The following PLPPR1 variants were observed in gnomAD, a reference collection of about 807,000 sequenced individuals.
PLPPR1 encodes the protein phospholipid phosphatase related 1.
A neutral mutation model predicts 33.1 loss-of-function variants in PLPPR1; 10 were observed. The ratio of observed to expected loss-of-function variants is 0.30; its 90% confidence interval spans 0.19 to 0.51. PLPPR1 has a LOEUF of 0.51. Among genes scored for constraint, PLPPR1 ranks in the 20% least tolerant of loss-of-function variants. The probability of loss-of-function intolerance (pLI) is 0.97; values close to 1 mark genes in which losing one functional copy is unlikely to be tolerated. For missense variants in PLPPR1, 304 were observed against 408.1 expected (o/e 0.74, Z 2.20); for synonymous variants, 151 against 151.0 (o/e 1.00, Z 0.00).
chr9:101,113,075 C>A (rs1419131137), intron 1 of PLPPR1, among the ~76,000 whole-genome samples: 6 of 152,218 alleles, frequency 3.9e-5, no homozygotes, highest in Admixed American at 2.0e-4. Flanking sequence ...CCTGGACCCT[C>A]AACCGTGGCT....
intron 4 of PLPPR1, among the ~76,000 whole-genome samples, chr9:101,297,007 A>G (rs1828658273): frequency 6.6e-6 from 1 of 152,164 alleles, no homozygotes; most frequent in African/African-American, 2.4e-5. Flanking sequence ...AATAAAAAGA[A>G]TGCAACATTA....
chr9:101,083,253 G>A (rs1460532611), intron 1 of PLPPR1, among the ~76,000 whole-genome samples: 1 of 151,822 alleles, frequency 6.6e-6, no homozygotes, highest in Non-Finnish European at 1.5e-5. Context: ...CCGGCTCTGG[G>A]GTTCGAACGA....
At chr9:101,140,834 A>AAGGAC (rs1831442110) in intron 1 of PLPPR1, among the ~76,000 whole-genome samples, 1 of 152,170 alleles carries the variant, frequency 6.6e-6, no homozygotes, top group South Asian at 2.1e-4. Context: ...GTCTAGTAGG[A>AAGGAC]AGGACAGTAC....
chr9:101,269,851 G>A (rs765292424), intron 2 of PLPPR1, 29 bp from the exon 3 acceptor site: 5 of 1,612,350 alleles, frequency 3.1e-6, no homozygotes, highest in Non-Finnish European at 4.2e-6. Context: ...CCCTGCTAAT[G>A]TCTCTGTGTG....
At chr9:101,134,018 T>G (rs1831348030) in intron 1 of PLPPR1, among the ~76,000 whole-genome samples, 1 of 152,200 alleles carries the variant, frequency 6.6e-6, no homozygotes, top group South Asian at 2.1e-4. Flanking sequence ...TAGAACTGGC[T>G]CATGGAAAGC....
At chr9:101,238,792 TAA>T (rs1260145116) in intron 2 of PLPPR1, among the ~76,000 whole-genome samples, 3 of 151,778 alleles carry the variant, frequency 2.0e-5, no homozygotes, top group African/African-American at 7.3e-5. Context: ...AAAAATAAAT[TAA>T]GATTATTGTT....
intron 5 of PLPPR1, among the ~76,000 whole-genome samples, chr9:101,312,431 G>A (rs974947048): frequency 6.6e-6 from 1 of 152,084 alleles, no homozygotes; most frequent in Non-Finnish European, 1.5e-5. Flanking sequence ...GGTTTATTTG[G>A]TATCTCAGAC....
intron 1 of PLPPR1, among the ~76,000 whole-genome samples, chr9:101,154,061 C>T (rs1196910057): frequency 6.6e-6 from 1 of 152,016 alleles, no homozygotes; most frequent in Non-Finnish European, 1.5e-5. Context: ...GGATGAAGCC[C>T]ACTTGATCTT....
At chr9:101,285,616 AAAG>A (rs1479573700) in intron 3 of PLPPR1, among the ~76,000 whole-genome samples, 3 of 152,234 alleles carry the variant, frequency 2.0e-5, no homozygotes, top group Admixed American at 6.5e-5. Flanking sequence ...TAATTGATAT[AAAG>A]AAGAGTTAAA....
intron 2 of PLPPR1, among the ~76,000 whole-genome samples, chr9:101,203,734 T>C (rs1411809669): frequency 4.0e-5 from 6 of 151,652 alleles, no homozygotes; most frequent in Non-Finnish European, 4.4e-5. Context: ...AGATATGTTA[T>C]ATATCTATCT....
chr9:101,276,803 G>T (rs1828206115), intron 3 of PLPPR1, among the ~76,000 whole-genome samples: 1 of 152,198 alleles, frequency 6.6e-6, no homozygotes, highest in Admixed American at 6.5e-5. Context: ...GACCAGTAGA[G>T]AGGCTCCAGT....
intron 1 of PLPPR1, among the ~76,000 whole-genome samples, chr9:101,108,927 C>T (rs1278363439): frequency 6.6e-6 from 1 of 150,860 alleles, no homozygotes; most frequent in African/African-American, 2.4e-5. Flanking sequence ...TGATATAACC[C>T]ACATAAGCAA....
intron 3 of PLPPR1, among the ~76,000 whole-genome samples, chr9:101,282,509 A>C (rs1828323236): frequency 6.6e-6 from 1 of 152,226 alleles, no homozygotes; most frequent in Admixed American, 6.5e-5. Context: ...GAATAAGACA[A>C]GGGTAACTCT....
chr9:101,092,545 C>T (rs1309472731), intron 1 of PLPPR1, among the ~76,000 whole-genome samples: 2 of 152,146 alleles, frequency 1.3e-5, no homozygotes, highest in Non-Finnish European at 2.9e-5. Context: ...GAGCCTTATC[C>T]TACCTCTCTG....
chr9:101,049,987 T>C (rs1428210437), intron 1 of PLPPR1, among the ~76,000 whole-genome samples: 1 of 151,552 alleles, frequency 6.6e-6, no homozygotes, highest in Non-Finnish European at 1.5e-5. Context: ...TAGCCAGGTG[T>C]GGTGGCGTGC....
rs758906746 is a variant in PLPPR1, at chr9:101,064,097, A to G, written c.-46+34995A>G. ...AATTTATAGATCTATGATTCTATAG[A>G]CAGGTTTGACAAAACACAGTCAGTG... On this transcript the variant is annotated intron_variant, in intron 1 of 7. Transcript: ENST00000374874. Among the ~76,000 whole-genome samples the G allele has an allele frequency of 7.9e-5, 12 of 152,130 alleles. No individual in the cohort carries two copies. In the South Asian group the frequency reaches 8.3e-4, roughly 10 times the overall value.
chr9:101,266,849 A>G (rs1828007549), intron 2 of PLPPR1, among the ~76,000 whole-genome samples: 1 of 152,022 alleles, frequency 6.6e-6, no homozygotes, highest in African/African-American at 2.4e-5. Flanking sequence ...GCTTTCATTT[A>G]CCTCATTTTC....
At chr9:101,267,519 T>G (rs1049339626) in intron 2 of PLPPR1, among the ~76,000 whole-genome samples, 4 of 152,114 alleles carry the variant, frequency 2.6e-5, no homozygotes, top group African/African-American at 7.2e-5. Context: ...AAGTTGTGAT[T>G]GGAGATCCAC....
At chr9:101,059,977 C>T (rs1006645267) in intron 1 of PLPPR1, among the ~76,000 whole-genome samples, 8 of 152,032 alleles carry the variant, frequency 5.3e-5, no homozygotes, top group Admixed American at 2.0e-4. Flanking sequence ...GGTATATACC[C>T]GAAGGAATTG....
Sources: allele counts gnomAD v4.1 joint callset (sites outside exome capture counted in the v4.1 genomes callset), GRCh38; gene constraint gnomAD v4.1.1; transcripts MANE v1.5; gene names NCBI Gene and HGNC (gene_info 2026-07-23, HGNC 2026-07-21).